The following NAV2 variants were observed in gnomAD, a reference collection of about 807,000 sequenced individuals.
NAV2 encodes helicase, APC down-regulated 1.
NAV2 carries 54 observed loss-of-function variants against 223.2 expected under a neutral mutation model. The ratio of observed to expected loss-of-function variants is 0.24; its 90% CI spans 0.19 to 0.30. The LOEUF (loss-of-function observed/expected upper bound fraction) is 0.30. Among genes scored for constraint, NAV2 ranks in the 10% least tolerant of loss-of-function variants. The probability of loss-of-function intolerance (pLI) is 1.00; values close to 1 mark genes in which losing one functional copy is unlikely to be tolerated. For synonymous variants in NAV2, 1,279 were observed against 1,239.3 expected (o/e 1.03, Z -0.67); for missense variants, 2,806 against 3,147.5 (o/e 0.89, Z 2.60).
At chr11:19,956,392 A>T (rs1385516684) in intron 10 of NAV2, among the ~76,000 whole-genome samples, 1 of 138,912 alleles carries the variant, frequency 7.2e-6, no homozygotes, top group Admixed American at 7.1e-5. Flanking sequence ...ACACACACAC[A>T]CACGCTCTCT....
In NAV2 at chr11:19,996,080, G is replaced by C. The variant is rs531474647; in HGVS notation, c.2768+11833G>C. 2.0e-5 allele frequency among the ~76,000 whole-genome samples: 3 copies of C among 152,284 alleles called. No homozygotes were observed. The East Asian group carries it at 5.8e-4, about 29-fold the overall frequency. On this transcript the variant is annotated intron_variant, in intron 11 of 37. Coordinates refer to ENST00000349880, the MANE Select transcript of NAV2 (RefSeq NM_145117.5). ...ATGAGTTGTAAGTTACACAAGGAAAGGATAGGCTTACAAATAAGGAAAATA... is the reference window on the plus strand; with the variant it reads ...ATGAGTTGTAAGTTACACAAGGAAACGATAGGCTTACAAATAAGGAAAATA...
At chr11:19,902,183 C>T (rs1403936517) in intron 6 of NAV2, among the ~76,000 whole-genome samples, 1 of 152,178 alleles carries the variant, frequency 6.6e-6, no homozygotes, top group Admixed American at 6.5e-5. Context: ...TCCTTAACCT[C>T]AAGCATTACA....
At chr11:19,826,267 G>A (rs1051980257) in intron 1 of NAV2, among the ~76,000 whole-genome samples, 2 of 152,270 alleles carry the variant, frequency 1.3e-5, no homozygotes, top group Admixed American at 1.3e-4. Context: ...GGCTCCTGGG[G>A]AAAAAGCAAC....
At chr11:19,987,110 T>C (rs1321921986) in intron 11 of NAV2, among the ~76,000 whole-genome samples, 1 of 152,238 alleles carries the variant, frequency 6.6e-6, no homozygotes, top group African/African-American at 2.4e-5. Flanking sequence ...AAGGTAAGGA[T>C]AGTGTAGACT....
intron 1 of NAV2, among the ~76,000 whole-genome samples, chr11:19,692,947 G>A (rs2049223964): frequency 6.6e-6 from 1 of 152,230 alleles, no homozygotes; most frequent in African/African-American, 2.4e-5. Flanking sequence ...AGGGAACAGG[G>A]CAGCCAAGGC....
At position 19,753,211 on chromosome 11, in the gene NAV2, C is replaced by T. The variant is rs548237198; in HGVS notation, c.267+39249C>T. On this transcript the variant is annotated intron_variant, in intron 1 of 37. Coordinates refer to ENST00000349880, the MANE Select transcript of NAV2 (RefSeq NM_145117.5). ...AGTCCAAGCTGAGTAAGACACTCCC[C>T]ACTTCATGAGTCCTTCACTTGTACT... Among the ~76,000 whole-genome samples, 5 of 152,268 alleles carry T rather than the reference C, an allele frequency of 3.3e-5. No homozygotes were observed. In the South Asian group the frequency reaches 1.0e-3, roughly 32 times the overall value.
chr11:20,054,179 C>CT lies in NAV2; in HGVS notation c.4585dup (p.Ser1529PhefsTer45). On this transcript the variant is annotated frameshift_variant, in exon 18 of 38. Transcript: ENST00000349880. LOFTEE classifies it high-confidence loss of function. Reference sequence around the variant, plus strand: ...TTCAGGACACCGCTGCCAATTCCCCCTTTTCCTCTGGCTCCAGCGTGACTT... The same window carrying CT: ...TTCAGGACACCGCTGCCAATTCCCCCTTTTTCCTCTGGCTCCAGCGTGACTT... The CT allele has an allele frequency of 6.2e-7, 1 of 1,613,632 alleles. No individual in the cohort carries two copies.
chr11:19,355,819 C>T (rs149172022), intron 1 of NAV2, among the ~76,000 whole-genome samples: 1,593 of 152,308 alleles, frequency 0.01, 25 homozygotes, highest in African/African-American at 0.037. Flanking sequence ...TGCCACCACC[C>T]TCCCCAAGGT....
At chr11:19,861,099 A>C (rs1338214338) in intron 3 of NAV2, among the ~76,000 whole-genome samples, 2 of 82,490 alleles carry the variant, frequency 2.4e-5, no homozygotes, top group South Asian at 4.4e-4. Context: ...TTAAACAGAT[A>C]TTGGAGAGGG....
intron 1 of NAV2, among the ~76,000 whole-genome samples, chr11:19,765,031 C>T (rs933667228): frequency 6.6e-6 from 1 of 152,154 alleles, no homozygotes; most frequent in Non-Finnish European, 1.5e-5. Flanking sequence ...GTGCAAGTGT[C>T]CTGGATCTGA....
chr11:19,398,145 C>A (rs1454030225), intron 1 of NAV2, among the ~76,000 whole-genome samples: 1 of 152,100 alleles, frequency 6.6e-6, no homozygotes, highest in African/African-American at 2.4e-5. Context: ...GTGTAGAAAG[C>A]ATAACTGGCA....
intron 32 of NAV2, among the ~76,000 whole-genome samples, chr11:20,101,597 A>G (rs1185866410): frequency 6.6e-6 from 1 of 152,194 alleles, no homozygotes; most frequent in African/African-American, 2.4e-5. Context: ...CAATACCTTC[A>G]CGGGAGTAGT....
intron 3 of NAV2, among the ~76,000 whole-genome samples, chr11:19,844,161 G>A (rs2060657746): frequency 6.6e-6 from 1 of 152,176 alleles, no homozygotes; most frequent in African/African-American, 2.4e-5. Flanking sequence ...TGCTATTTTT[G>A]CTGCAGCTAC....
intron 11 of NAV2, among the ~76,000 whole-genome samples, chr11:20,011,456 A>C (rs895365804): frequency 6.6e-6 from 1 of 152,220 alleles, no homozygotes; most frequent in Non-Finnish European, 1.5e-5. Flanking sequence ...ACATGTCTTG[A>C]ATACTTGCTT....
chr11:20,077,366 G>T (rs748658828), intron 22 of NAV2, among the ~76,000 whole-genome samples, 186 bp from the exon 23 acceptor site: 5 of 152,048 alleles, frequency 3.3e-5, no homozygotes, highest in Non-Finnish European at 5.9e-5. Flanking sequence ...AGCACGGGTT[G>T]TTTGAGCAAG....
intron 1 of NAV2, among the ~76,000 whole-genome samples, chr11:19,465,939 T>C (rs753413328): frequency 1.5e-4 from 23 of 152,200 alleles, no homozygotes; most frequent in Non-Finnish European, 2.5e-4. Context: ...GTTAAAGTGG[T>C]GGATCAGAGA....
intron 1 of NAV2, among the ~76,000 whole-genome samples, chr11:19,783,081 T>C (rs1424878183): frequency 6.6e-6 from 1 of 152,226 alleles, no homozygotes; most frequent in African/African-American, 2.4e-5. Context: ...CAAGGCACTT[T>C]AAATGGGATT....
chr11:20,070,684 C>T (rs917322215), intron 22 of NAV2, among the ~76,000 whole-genome samples: 3 of 152,176 alleles, frequency 2.0e-5, no homozygotes, highest in Non-Finnish European at 2.9e-5. Context: ...CTACTCAAAA[C>T]CACCTTCTCT....
intron 36 of NAV2, among the ~76,000 whole-genome samples, chr11:20,113,310 G>T (rs1409491068): frequency 6.6e-6 from 1 of 152,138 alleles, no homozygotes; most frequent in Non-Finnish European, 1.5e-5. Flanking sequence ...TGGAAGATGT[G>T]GTGGTGTTAA....
Sources: allele counts gnomAD v4.1 joint callset (sites outside exome capture counted in the v4.1 genomes callset), GRCh38; gene constraint gnomAD v4.1.1; transcripts MANE v1.5; gene names NCBI Gene and HGNC (gene_info 2026-07-23, HGNC 2026-07-21).